The following FLNB variants were observed in gnomAD, a reference collection of about 807,000 sequenced individuals.
FLNB encodes filamin-B.
In FLNB, 111 loss-of-function variants were observed where a neutral mutation model predicts 250.6. The observed-to-expected ratio is 0.44, with a 90% CI of 0.38 to 0.52. The LOEUF is 0.52. Ranked by LOEUF, FLNB falls within the 20% of genes least tolerant of loss-of-function variation. The pLI, the probability that FLNB is intolerant of heterozygous loss-of-function variation, is 0.00. For synonymous variants in FLNB, 1,302 were observed against 1,372.1 expected (o/e 0.95, Z 1.13); for missense variants, 2,869 against 3,447.8 (o/e 0.83, Z 4.20).
rs565941629 is a variant in FLNB at position 58,055,238 on chromosome 3, C to T, written c.293-21808C>T. On this transcript the variant is annotated intron_variant, in intron 1 of 45. Transcript: ENST00000295956. ...CTGGGATCATGCCACTGTACTCCAG[C>T]CTGGGTGACAGAGTGAGATTCTGTC... is the stretch of plus-strand genomic sequence containing the variant. Among the ~76,000 whole-genome samples, 4 of 152,006 alleles carry T rather than the reference C, an allele frequency of 2.6e-5. No individual in the cohort carries two copies. In the East Asian group the frequency reaches 7.7e-4, roughly 29 times the overall value.
rs2097263349 is a variant in FLNB, at chr3:58,108,470, G to A, written c.1954G>A (p.Gly652Arg). The A allele has an allele frequency of 1.9e-6, 3 of 1,612,582 alleles. No homozygotes were observed. Among genetic ancestry groups the A allele is most frequent in the East Asian group, 2.2e-5 (1 of 44,882 alleles). ...GCCTTTGCTTCAGGTTCGAGCATACGGGCCAGGTTTGGAGAAATCTGGATG... is the reference window on the plus strand; with the variant it reads ...GCCTTTGCTTCAGGTTCGAGCATACAGGCCAGGTTTGGAGAAATCTGGATG... ...GYNPDLVRAY[G>R]PGLEKSGCIV... The change falls in exon 13 of 46, where the codon GGG becomes AGG. Residue 652 changes from glycine (G) to arginine (R), a missense_variant. By Grantham distance (125) the Gly-to-Arg change is moderately radical. This residue lies in a region of FLNB where 1,348 missense variants were observed against 1,466.7 expected (regional missense o/e 0.92). Coordinates refer to ENST00000295956, the MANE Select transcript of FLNB (RefSeq NM_001457.4).
intron 43 of FLNB, among the ~76,000 whole-genome samples, chr3:58,166,942 A>G (rs1413398158): frequency 1.3e-5 from 2 of 152,190 alleles, no homozygotes; most frequent in Non-Finnish European, 2.9e-5. Context: ...CCTGGCCAAC[A>G]TGGTGAGACC....
chr3:58,120,034 AG>A (rs2097285827), intron 19 of FLNB, among the ~76,000 whole-genome samples: 1 of 152,252 alleles, frequency 6.6e-6, no homozygotes, highest in South Asian at 2.1e-4. Context: ...TTACTGAGGC[AG>A]GGCTGAGTGC....
intron 1 of FLNB, among the ~76,000 whole-genome samples, chr3:58,020,009 T>G (rs2097111299): frequency 6.6e-6 from 1 of 151,426 alleles, no homozygotes; most frequent in African/African-American, 2.4e-5. Flanking sequence ...GAACTCCCCC[T>G]GGCTGCAGGG....
chr3:58,136,827 C>G (rs2097317007), intron 28 of FLNB, among the ~76,000 whole-genome samples: 1 of 138,946 alleles, frequency 7.2e-6, no homozygotes, highest in Non-Finnish European at 1.5e-5. Flanking sequence ...TCTCAGCTCA[C>G]TGCAGCCTCA....
At position 58,163,239 on chromosome 3, in the gene FLNB, C is replaced by T; in HGVS notation, c.7107C>T (p.Ser2369=). 2 of 1,614,206 alleles carry T rather than the reference C, an allele frequency of 1.2e-6. No individual in the cohort carries two copies. Among genetic ancestry groups the T allele is most frequent in the South Asian group, 1.1e-5 (1 of 91,078 alleles). ...TCAATGGGAGCCACGTGGTTGGAAG[C>T]CCCTTCAAAGTGCGCGTTGGGGAGC... The part of the protein sequence containing the change: ...VKFNGSHVVG[S]PFKVRVGEPG... Residue 2369 remains serine (S), a synonymous_variant, in exon 43 of 46, where the codon AGC becomes AGT. Coordinates refer to ENST00000295956, the MANE Select transcript of FLNB (RefSeq NM_001457.4).
At chr3:58,113,741 T>C (rs1267642171) in intron 18 of FLNB, among the ~76,000 whole-genome samples, 1 of 152,250 alleles carries the variant, frequency 6.6e-6, no homozygotes, top group Non-Finnish European at 1.5e-5. Context: ...TGCAGTGGCA[T>C]GATCTCAGCT....
rs1350923531 is a variant in FLNB, at chr3:58,121,392, G to C, written c.3015G>C (p.Lys1005Asn). 6.2e-7 allele frequency: 1 copy of C among 1,614,156 alleles called. No individual in the cohort carries two copies. Among genetic ancestry groups the C allele is most frequent in the South Asian group, 1.1e-5 (1 of 91,070 alleles). ...CAGGCCGGGAGAACAGCACGGCCAAGTTCATCCCTCGGGAGGAGGGGCTGT... is the reference window on the plus strand; with the variant it reads ...CAGGCCGGGAGAACAGCACGGCCAACTTCATCCCTCGGGAGGAGGGGCTGT... ...PVTGRENSTAKFIPREEGLYA... is the reference protein window; with the variant it reads ...PVTGRENSTANFIPREEGLYA... The change falls in exon 20 of 46, where the codon AAG (lysine) becomes AAC (asparagine). Residue 1005 changes from lysine to asparagine, a missense_variant. By Grantham distance (94) the Lys-to-Asn change is moderately conservative. Transcript: ENST00000295956.
chr3:58,102,177 A>G, intron 8 of FLNB, 26 bp from the exon 9 acceptor site: 1 of 1,613,988 alleles, frequency 6.2e-7, no homozygotes, highest in Non-Finnish European at 8.5e-7. Context: ...TGAAAGATTG[A>G]ATTGATGTCA....
intron 16 of FLNB, among the ~76,000 whole-genome samples, chr3:58,110,428 AT>A (rs988505239): frequency 4.8e-5 from 7 of 145,142 alleles, no homozygotes; most frequent in South Asian, 2.2e-4. Context: ...CACCCAGCTA[AT>A]TTTTTTTTAA....
chr3:58,159,616 C>G lies in FLNB; in HGVS notation c.6951C>G (p.Gly2317=), dbSNP rs1366393907. The change falls in exon 42 of 46, where the codon GGC becomes GGG. Residue 2317 remains glycine (G), a synonymous_variant. Transcript: ENST00000295956. ...CTATAAGGTTGAATGGCGCAAAAGG[C>G]AAGATTGATGCAAAGGTGCACAGCC... The part of the protein sequence containing the change: ...SFAIRLNGAK[G]KIDAKVHSPS... The G allele has an allele frequency of 6.2e-7, 1 of 1,614,028 alleles. No individual in the cohort carries two copies. Among genetic ancestry groups the G allele is most frequent in the Admixed American group, 1.7e-5 (1 of 60,018 alleles).
intron 43 of FLNB, chr3:58,163,607 A>G (rs895015235): frequency 1.2e-5 from 6 of 481,450 alleles, no homozygotes; most frequent in African/African-American, 1.2e-4. Context: ...CTTGACTTTC[A>G]GAACAGGATG....
chr3:58,076,791 A>T lies in FLNB; in HGVS notation c.293-255A>T, dbSNP rs1206689470. ...TATGGAAAATTTTAGGCGTATACAA[A>T]AGTAGAGACAGTGGTGTCTTACATG... On this transcript the variant is annotated intron_variant, in intron 1 of 45. Coordinates refer to ENST00000295956, the MANE Select transcript of FLNB (RefSeq NM_001457.4). 2.6e-5 allele frequency among the ~76,000 whole-genome samples: 4 copies of T among 152,128 alleles called. No homozygotes were observed. In the East Asian group the frequency reaches 5.8e-4, roughly 22 times the overall value.
chr3:58,123,783 C>T lies in FLNB; in HGVS notation c.3724+93C>T, dbSNP rs1292703330. ...TTGGAGCTGCAAACTCAGCCACCTGCAGGAGCCAGGTGACATATAAGGCGG... is the reference window on the plus strand; with the variant it reads ...TTGGAGCTGCAAACTCAGCCACCTGTAGGAGCCAGGTGACATATAAGGCGG... On this transcript the variant is annotated intron_variant, in intron 21 of 45. Coordinates refer to ENST00000295956, the MANE Select transcript of FLNB (RefSeq NM_001457.4). The T allele has an allele frequency of 7.6e-6, 8 of 1,057,044 alleles. No homozygotes were observed. The African/African-American group carries it at 1.1e-4, about 15-fold the overall frequency. The allele number at this position is 1,057,044 out of a possible 1,614,324, so 65.5% of individuals were successfully genotyped here. A position where few individuals can be genotyped will look rare whatever the true frequency, so the allele number is the denominator to read the frequency against.
chr3:58,099,257 C>T (rs766639261), intron 8 of FLNB, among the ~76,000 whole-genome samples: 1 of 152,144 alleles, frequency 6.6e-6, no homozygotes, highest in Non-Finnish European at 1.5e-5. Context: ...GGCCCTGCAG[C>T]CTCCATTGCT....
intron 29 of FLNB, 73 bp downstream of exon 29, chr3:58,138,602 G>C: frequency 6.3e-7 from 1 of 1,582,658 alleles, no homozygotes; most frequent in Non-Finnish European, 8.7e-7. Context: ...GTTGAACCCT[G>C]ACTAGGATAT....
intron 1 of FLNB, among the ~76,000 whole-genome samples, chr3:58,029,810 G>A (rs954925767): frequency 6.6e-6 from 1 of 152,048 alleles, no homozygotes; most frequent in Non-Finnish European, 1.5e-5. Flanking sequence ...ACTGCGTCCA[G>A]CCAAGAATGA....
At chr3:58,135,513 T>G (rs1225814263) in intron 27 of FLNB, among the ~76,000 whole-genome samples, 1 of 152,200 alleles carries the variant, frequency 6.6e-6, no homozygotes, top group Non-Finnish European at 1.5e-5. Flanking sequence ...CTGCCAAAAG[T>G]CCATCATAGA....
intron 18 of FLNB, among the ~76,000 whole-genome samples, chr3:58,112,802 G>A (rs530019302): frequency 6.6e-6 from 1 of 152,244 alleles, no homozygotes; most frequent in East Asian, 1.9e-4. Flanking sequence ...TTTTTATGAG[G>A]TGTTGGAATG....
Sources: gnomAD v4.1 joint callset for allele counts (sites outside exome capture counted in the v4.1 genomes callset) on GRCh38, gnomAD v4.1.1 for gene constraint, gnomAD v4.1.1 regional missense constraint, MANE v1.5 for transcripts, NCBI Gene and HGNC (gene_info 2026-07-23, HGNC 2026-07-21) for gene names.